The following MIPEP variants were observed in gnomAD, a reference collection of about 807,000 sequenced individuals.
MIPEP encodes mitochondrial intermediate peptidase.
In MIPEP, 79 loss-of-function variants were observed where a neutral mutation model predicts 90.3. The ratio of observed to expected loss-of-function variants is 0.87; its 90% CI spans 0.73 to 1.05. The LOEUF is 1.05. Among genes scored for constraint, MIPEP ranks in the 50% least tolerant of loss-of-function variants. The pLI is 0.00. For synonymous variants in MIPEP, 334 were observed against 315.8 expected (o/e 1.06, Z -0.61); for missense variants, 940 against 905.6 (o/e 1.04, Z -0.49).
intron 16 of MIPEP, among the ~76,000 whole-genome samples, chr13:23,771,112 T>C (rs1366343660): frequency 6.6e-6 from 1 of 152,200 alleles, no homozygotes; most frequent in African/African-American, 2.4e-5. Context: ...ACAAGTGCTA[T>C]GGGAATGCAG....
At chr13:23,826,917 A>G (rs1868478618) in intron 14 of MIPEP, among the ~76,000 whole-genome samples, 1 of 152,356 alleles carries the variant, frequency 6.6e-6, no homozygotes, top group African/African-American at 2.4e-5. Flanking sequence ...TTGGAAAAAA[A>G]CTGCATCTGT....
At chr13:23,804,154 G>A (rs1953079540) in intron 16 of MIPEP, among the ~76,000 whole-genome samples, 1 of 152,162 alleles carries the variant, frequency 6.6e-6, no homozygotes. Flanking sequence ...TGATTACAGA[G>A]AAGAAATCTG....
At position 23,841,195 on chromosome 13, in the gene MIPEP, ATT is replaced by A. The variant is rs954727418; in HGVS notation, c.1260+138_1260+139del. On this transcript the variant is annotated intron_variant, in intron 11 of 18. Transcript: ENST00000382172. ...GTCTTAAATCAGAAGTGCAATTTGG[ATT>A]TTTTTTGTGAAGCAGAAATAAGGCA... The A allele has an allele frequency of 8.7e-6, 6 of 689,278 alleles. No individual in the cohort carries two copies. The African/African-American group carries it at 1.1e-4, about 12-fold the overall frequency. 42.7% of individuals were successfully genotyped at this position (689,278 alleles called of 1,614,324 possible). A position where few individuals can be genotyped will look rare whatever the true frequency, so the allele number is the denominator to read the frequency against.
chr13:23,790,682 G>C (rs1299914286), intron 16 of MIPEP, among the ~76,000 whole-genome samples: 1 of 152,188 alleles, frequency 6.6e-6, no homozygotes, highest in Non-Finnish European at 1.5e-5. Context: ...GAGAGGCAGG[G>C]ACTGGATGCT....
intron 16 of MIPEP, among the ~76,000 whole-genome samples, chr13:23,799,500 G>T (rs1565997812): frequency 6.6e-6 from 1 of 151,422 alleles, no homozygotes; most frequent in African/African-American, 2.4e-5. Flanking sequence ...CTAATTTTTT[G>T]TATTTTTAGT....
At chr13:23,872,359 G>T (rs1206747180) in intron 5 of MIPEP, among the ~76,000 whole-genome samples, 2 of 152,214 alleles carry the variant, frequency 1.3e-5, no homozygotes, top group African/African-American at 2.4e-5. Context: ...TACTCAGGAG[G>T]CTGAGGCAGA....
At chr13:23,766,838 A>G (rs1952595333) in intron 16 of MIPEP, among the ~76,000 whole-genome samples, 1 of 152,196 alleles carries the variant, frequency 6.6e-6, no homozygotes, top group South Asian at 2.1e-4. Context: ...TTAAATATAG[A>G]CAGAAGCTGC....
chr13:23,807,221 G>T (rs553108607), intron 15 of MIPEP, among the ~76,000 whole-genome samples: 1 of 152,292 alleles, frequency 6.6e-6, no homozygotes, highest in East Asian at 1.9e-4. Flanking sequence ...ATTTTGCAAA[G>T]AAATCTAAAA....
At chr13:23,744,521 A>G (rs977302562) in intron 18 of MIPEP, among the ~76,000 whole-genome samples, 5 of 152,254 alleles carry the variant, frequency 3.3e-5, no homozygotes, top group African/African-American at 7.2e-5. Context: ...GTCTGCTACT[A>G]GGTGATCTCA....
At chr13:23,849,782 A>T (rs971487306) in intron 10 of MIPEP, among the ~76,000 whole-genome samples, 4 of 152,230 alleles carry the variant, frequency 2.6e-5, no homozygotes, top group African/African-American at 9.6e-5. Context: ...ATCATTGTAA[A>T]CTGAATTTTA....
At chr13:23,783,375 G>T (rs1333339087) in intron 16 of MIPEP, among the ~76,000 whole-genome samples, 1 of 152,164 alleles carries the variant, frequency 6.6e-6, no homozygotes, top group East Asian at 1.9e-4. Flanking sequence ...AACAGATGCA[G>T]AAAAGGCCTT....
rs191713194 is a variant in MIPEP at position 23,730,288 on chromosome 13, G to A, written c.*60C>T. ...TCAGAAACAAGCTCTCACAGCTGTA[G>A]CATTTATAACAAAGTCATTATCTAC... On this transcript the variant is annotated 3_prime_UTR_variant, in exon 19 of 19. Transcript: ENST00000382172. 1.8e-6 allele frequency: 2 copies of A among 1,089,526 alleles called. No homozygotes were observed. Among genetic ancestry groups the A allele is most frequent in the East Asian group, 5.1e-5 (2 of 39,058 alleles). 67.5% of individuals were successfully genotyped at this position (1,089,526 alleles called of 1,614,324 possible).
At chr13:23,830,559 G>T (rs1324837201) in intron 14 of MIPEP, among the ~76,000 whole-genome samples, 1 of 152,128 alleles carries the variant, frequency 6.6e-6, no homozygotes, top group Non-Finnish European at 1.5e-5. Flanking sequence ...TTAAATAAAA[G>T]AGAAATTCAT....
chr13:23,808,253 C>T (rs1213246197), intron 15 of MIPEP, among the ~76,000 whole-genome samples: 1 of 152,088 alleles, frequency 6.6e-6, no homozygotes. Flanking sequence ...CGCCTGCCAC[C>T]ACGCCTGGCT....
Position 23,889,249 on chromosome 13 carries a change from C to A in MIPEP, c.72G>T (p.Arg24=). ...CCCGGATCCCGGCTTCGAGGCTTCC[C>A]CGGCCCGCCCGGCGGGGCGGCAGAG... ...AAALPPRRAG[R]GSLEAGIRAR... is the part of the protein sequence containing the mutation. Residue 24 remains arginine, a synonymous_variant, in exon 1 of 19, where the codon CGG becomes CGT. Coordinates refer to ENST00000382172, the MANE Select transcript of MIPEP (RefSeq NM_005932.4). 1 of 1,393,330 alleles carries A rather than the reference C, an allele frequency of 7.2e-7. No homozygotes were observed. The highest frequency in any genetic ancestry group is 1.6e-5 in the South Asian group (1 of 61,576). The allele number at this position is 1,393,330 out of a possible 1,614,324, so 86.3% of individuals were successfully genotyped here. A position where few individuals can be genotyped will look rare whatever the true frequency, so the allele number is the denominator to read the frequency against.
intron 18 of MIPEP, among the ~76,000 whole-genome samples, chr13:23,733,847 C>A (rs1167898851): frequency 2.6e-5 from 4 of 152,188 alleles, no homozygotes; most frequent in Admixed American, 2.6e-4. Flanking sequence ...TTACTAGTTA[C>A]TAGAAGAGAA....
chr13:23,751,243 G>T (rs1158109506), intron 18 of MIPEP, among the ~76,000 whole-genome samples: 1 of 152,206 alleles, frequency 6.6e-6, no homozygotes, highest in Non-Finnish European at 1.5e-5. Flanking sequence ...TAATAAGCTA[G>T]AAGAGATGAT....
At chr13:23,809,994 G>A in intron 14 of MIPEP, 70 bp from the exon 15 acceptor site, 1 of 817,946 alleles carries the variant, frequency 1.2e-6, no homozygotes, top group South Asian at 1.9e-5. Flanking sequence ...TATAAGCCAG[G>A]AAATTTAAAA....
intron 2 of MIPEP, 58 bp downstream of exon 2, chr13:23,886,275 C>A: frequency 7.7e-7 from 1 of 1,305,510 alleles, no homozygotes; most frequent in South Asian, 2.3e-5. Context: ...ATAAATTTCA[C>A]TTAAATTTTA....
Sources: gnomAD v4.1 joint callset for allele counts (sites outside exome capture counted in the v4.1 genomes callset) on GRCh38, gnomAD v4.1.1 for gene constraint, MANE v1.5 for transcripts, NCBI Gene and HGNC (gene_info 2026-07-23, HGNC 2026-07-21) for gene names.